KDM2A: variants seen among roughly 807,000 people sequenced by gnomAD.
The protein encoded by KDM2A is lysine demethylase 2A, also known as lysine-specific demethylase 2A.
A neutral mutation model predicts 137.3 loss-of-function variants in KDM2A; 3 were observed. The ratio of observed to expected loss-of-function variants is 0.02; its 90% CI spans 0.01 to 0.06. The LOEUF (loss-of-function observed/expected upper bound fraction) is 0.06, where lower values mean the gene tolerates loss of function less well. KDM2A is among the 10% of genes least tolerant of loss of function. The probability of loss-of-function intolerance (pLI) is 1.00; values close to 1 mark genes in which losing one functional copy is unlikely to be tolerated. For synonymous variants in KDM2A, 512 were observed against 541.5 expected (o/e 0.95, Z 0.76); for missense variants, 738 against 1,510.6 (o/e 0.49, Z 8.48).
chr11:67,204,351 G>A (rs957829578), intron 5 of KDM2A, among the ~76,000 whole-genome samples: 9 of 151,790 alleles, frequency 5.9e-5, no homozygotes, highest in African/African-American at 1.9e-4. Flanking sequence ...GTCATTCTCC[G>A]TTTTCTCCTC....
Position 67,231,696 on chromosome 11 carries a change from T to G in KDM2A, c.1215T>G (p.Asp405Glu). The change falls in exon 12 of 21, where the codon GAT (aspartate) becomes GAG (glutamate). Residue 405 changes from aspartate to glutamate, a missense_variant. Transcript: ENST00000529006. ...CGAATGGAGTCAACCTGGATTATGATGGACTGGGCAAAACCTGCCGAAGTC... is the reference window on the plus strand; with the variant it reads ...CGAATGGAGTCAACCTGGATTATGAGGGACTGGGCAAAACCTGCCGAAGTC... Reference protein sequence around the residue: ...PVANGVNLDYDGLGKTCRSLP... With the variant: ...PVANGVNLDYEGLGKTCRSLP... The G allele has an allele frequency of 6.2e-7, 1 of 1,613,998 alleles. No homozygotes were observed. Among genetic ancestry groups the G allele is most frequent in the Non-Finnish European group, 8.5e-7 (1 of 1,179,876 alleles).
chr11:67,234,439 T>C (rs370121518), intron 12 of KDM2A, among the ~76,000 whole-genome samples: 1 of 152,348 alleles, frequency 6.6e-6, no homozygotes, highest in East Asian at 1.9e-4. Flanking sequence ...AGATGAGATA[T>C]TCATAATATT....
Position 67,250,190 on chromosome 11 carries a change from T to C in KDM2A, c.2160T>C (p.Thr720=). 6.2e-7 allele frequency: 1 copy of C among 1,613,866 alleles called. No individual in the cohort carries two copies. The highest frequency in any genetic ancestry group is 8.5e-7 in the Non-Finnish European group (1 of 1,179,850). ...TCACGCCCCCGCCTCATTCACCCACTTCCATGCTGCAGCTCATCCATGACC... is the reference window on the plus strand; with the variant it reads ...TCACGCCCCCGCCTCATTCACCCACCTCCATGCTGCAGCTCATCCATGACC... ...EPLTPPPHSP[T]SMLQLIHDPV... is the part of the protein sequence containing the mutation. The change falls in exon 17 of 21, where the codon ACT becomes ACC. Residue 720 remains threonine (T), a synonymous_variant. Coordinates refer to ENST00000529006, the MANE Select transcript of KDM2A (RefSeq NM_012308.3). The surrounding 1 kb of genome is among the most constrained non-coding windows in gnomAD (Gnocchi z 7.1).
chr11:67,172,493 A>G (rs1856897988), intron 2 of KDM2A, among the ~76,000 whole-genome samples: 1 of 152,054 alleles, frequency 6.6e-6, no homozygotes. Flanking sequence ...TCTTGTACTT[A>G]TCTTGTTAAA....
rs1859555144 is a variant in KDM2A, at chr11:67,255,002, A to G, written c.3436A>G (p.Ile1146Val). The G allele has an allele frequency of 6.2e-7, 1 of 1,613,542 alleles. No individual in the cohort carries two copies. Among genetic ancestry groups the G allele is most frequent in the Non-Finnish European group, 8.5e-7 (1 of 1,179,704 alleles). Residue 1146 changes from isoleucine to valine, a missense_variant, in exon 21 of 21, where the codon ATC (isoleucine) becomes GTC (valine). Ile to Val is a conservative substitution (Grantham distance 29, BLOSUM62 3). Transcript: ENST00000529006. ...CGAGCACTTCATCTCAGACTTGTCC[A>G]TCAACAGCCTCTACTGCCTGTCTGA... ...ACEHFISDLS[I>V]NSLYCLSDEK...
At chr11:67,236,225 G>A (rs1213923177) in intron 12 of KDM2A, among the ~76,000 whole-genome samples, 1 of 152,100 alleles carries the variant, frequency 6.6e-6, no homozygotes, top group African/African-American at 2.4e-5. Context: ...CCGCCTGTCG[G>A]GTTCAAGTGA....
At chr11:67,211,816 CTGTT>C (rs1405545330) in intron 6 of KDM2A, among the ~76,000 whole-genome samples, 1 of 152,006 alleles carries the variant, frequency 6.6e-6, no homozygotes, top group African/African-American at 2.4e-5. Context: ...GTTACATAAT[CTGTT>C]TGTTCCCTGT....
At chr11:67,137,201 A>G (rs1367437838) in intron 2 of KDM2A, among the ~76,000 whole-genome samples, 2 of 152,242 alleles carry the variant, frequency 1.3e-5, no homozygotes, top group African/African-American at 2.4e-5. Context: ...CTGAAGAAAC[A>G]TAAGTGAAGG....
chr11:67,159,454 T>G lies in KDM2A; in HGVS notation c.43-20625T>G, dbSNP rs538133730. On this transcript the variant is annotated intron_variant, in intron 2 of 20. Coordinates refer to ENST00000529006, the MANE Select transcript of KDM2A (RefSeq NM_012308.3). Reference sequence around the variant, plus strand: ...AAACTGGAAGTTGGATCTAGAAGATTAGATTCATCTTAAACATTTTGGCAA... The same window carrying G: ...AAACTGGAAGTTGGATCTAGAAGATGAGATTCATCTTAAACATTTTGGCAA... Among the ~76,000 whole-genome samples the G allele has an allele frequency of 4.6e-5, 7 of 152,326 alleles. No individual in the cohort carries two copies. In the South Asian group the frequency reaches 1.5e-3, roughly 32 times the overall value.
At position 67,256,359 on chromosome 11, in the gene KDM2A, A is replaced by C. The variant is rs965751903; in HGVS notation, c.*1304A>C. 6.6e-6 allele frequency: 1 copy of C among 152,504 alleles called. No individual in the cohort carries two copies. Among genetic ancestry groups the C allele is most frequent in the Non-Finnish European group, 1.5e-5 (1 of 68,016 alleles). 9.4% of individuals were successfully genotyped at this position (152,504 alleles called of 1,614,324 possible). A position where few individuals can be genotyped will look rare whatever the true frequency, so the allele number is the denominator to read the frequency against. ...GAGAGCTTTTTGCACTTTAAAAAAA[A>C]AAAGAAAGAAAGAAAGGTCGGAATT... is the stretch of plus-strand genomic sequence containing the variant. On this transcript the variant is annotated 3_prime_UTR_variant, in exon 21 of 21. Coordinates refer to ENST00000529006, the MANE Select transcript of KDM2A (RefSeq NM_012308.3).
In KDM2A at chr11:67,243,298, A is replaced by AT. The variant is rs572006579; in HGVS notation, c.1563+207dup. ...GGAGGTGACCTCTCTTAACAGAACT[A>AT]TCAAACTGGGAGGCCTCCCTCCAGA... On this transcript the variant is annotated intron_variant, in intron 13 of 20. Coordinates refer to ENST00000529006, the MANE Select transcript of KDM2A (RefSeq NM_012308.3). Among the ~76,000 whole-genome samples, 37 of 152,338 alleles carry AT rather than the reference A, an allele frequency of 2.4e-4. No homozygotes were observed. In the East Asian group the frequency reaches 2.9e-3, roughly 12 times the overall value.
chr11:67,171,684 C>T (rs1013948148), intron 2 of KDM2A, among the ~76,000 whole-genome samples: 1 of 152,214 alleles, frequency 6.6e-6, no homozygotes, highest in Non-Finnish European at 1.5e-5. Context: ...CGTCTTAATT[C>T]TCACAGTGTG....
intron 2 of KDM2A, among the ~76,000 whole-genome samples, chr11:67,129,509 C>T (rs1489221833): frequency 1.3e-5 from 2 of 151,642 alleles, no homozygotes; most frequent in Non-Finnish European, 2.9e-5. Context: ...CCGAGGCGGG[C>T]GGATCACAAG....
At chr11:67,138,900 CA>C (rs1856031043) in intron 2 of KDM2A, among the ~76,000 whole-genome samples, 1 of 152,146 alleles carries the variant, frequency 6.6e-6, no homozygotes, top group Non-Finnish European at 1.5e-5. Context: ...TTGTTGGAAA[CA>C]AAAAATTAAC....
At chr11:67,251,669 A>G (rs1215601435) in intron 17 of KDM2A, among the ~76,000 whole-genome samples, 1 of 152,180 alleles carries the variant, frequency 6.6e-6, no homozygotes, top group Non-Finnish European at 1.5e-5. Flanking sequence ...TGCTTTAACA[A>G]GCGCTCCTCC....
chr11:67,131,115 A>G (rs1855844995), intron 2 of KDM2A, among the ~76,000 whole-genome samples: 1 of 152,118 alleles, frequency 6.6e-6, no homozygotes, highest in African/African-American at 2.4e-5. Context: ...GCCTGAGGTC[A>G]GGAGTTCAAG....
intron 6 of KDM2A, among the ~76,000 whole-genome samples, chr11:67,211,685 T>A (rs1857993593): frequency 2.0e-5 from 3 of 151,434 alleles, no homozygotes; most frequent in Admixed American, 2.0e-4. Flanking sequence ...TTTAATTTTT[T>A]AATATTCAAA....
intron 5 of KDM2A, among the ~76,000 whole-genome samples, chr11:67,206,418 G>A (rs529982910): frequency 1.3e-5 from 2 of 152,272 alleles, no homozygotes; most frequent in African/African-American, 4.8e-5. Context: ...GGGTGACACA[G>A]CGAGACTGTC....
chr11:67,140,349 G>C lies in KDM2A; in HGVS notation c.42+18991G>C, dbSNP rs143100501. The stretch of plus-strand genomic sequence containing the variant: ...CCACTGCACTCCATCCTGGGTGACA[G>C]AGTGAGATCTTGTCTCAAAAAAAAA... On this transcript the variant is annotated intron_variant, in intron 2 of 20. Coordinates refer to ENST00000529006, the MANE Select transcript of KDM2A (RefSeq NM_012308.3). Among the ~76,000 whole-genome samples the C allele has an allele frequency of 2.1e-3, 319 of 152,016 alleles. 4 individuals carry two copies. In the East Asian group the frequency reaches 0.053, roughly 25 times the overall value.
Sources: gnomAD v4.1 joint callset for allele counts (sites outside exome capture counted in the v4.1 genomes callset) on GRCh38, gnomAD v4.1.1 for gene constraint, Gnocchi (gnomAD v3.1) non-coding constraint, MANE v1.5 for transcripts, NCBI Gene and HGNC (gene_info 2026-07-23, HGNC 2026-07-21) for gene names.